The following UBE2W variants were observed in gnomAD, a reference collection of about 807,000 sequenced individuals.
The protein encoded by UBE2W is ubiquitin-conjugating enzyme E2 W.
In UBE2W, 18 loss-of-function variants were observed where a neutral mutation model predicts 27.2. The ratio of observed to expected loss-of-function variants is 0.66; its 90% confidence interval spans 0.46 to 0.98. The LOEUF (loss-of-function observed/expected upper bound fraction) is 0.98. Among genes scored for constraint, UBE2W ranks in the 50% least tolerant of loss-of-function variants. The pLI is 0.00. For synonymous variants in UBE2W, 53 were observed against 57.2 expected (o/e 0.93, Z 0.33); for missense variants, 90 against 180.2 (o/e 0.50, Z 2.87).
Position 73,794,002 on chromosome 8 carries a change from G to T in UBE2W, c.*100C>A. 1 of 1,575,552 alleles carries T rather than the reference G, an allele frequency of 6.3e-7. No individual in the cohort carries two copies. Among genetic ancestry groups the T allele is most frequent in the Non-Finnish European group, 8.6e-7 (1 of 1,162,370 alleles). ...AAGGAAGTAGTCTTCATTGCCTATA[G>T]GTCACTTCCAGTCAAAGGTTAAAGT... On this transcript the variant is annotated 3_prime_UTR_variant, in exon 6 of 6. Coordinates refer to ENST00000602593, the MANE Select transcript of UBE2W (RefSeq NM_018299.6).
At chr8:73,862,683 C>T (rs1319860992) in intron 1 of UBE2W, among the ~76,000 whole-genome samples, 1 of 133,564 alleles carries the variant, frequency 7.5e-6, no homozygotes, top group East Asian at 2.2e-4. Flanking sequence ...ACTCATCTGA[C>T]AAAGGGCTAA....
chr8:73,833,599 C>T (rs1355716542), intron 1 of UBE2W, among the ~76,000 whole-genome samples: 1 of 152,094 alleles, frequency 6.6e-6, no homozygotes, highest in Non-Finnish European at 1.5e-5. Flanking sequence ...TTATTGTACA[C>T]CTCTTCCCTT....
At chr8:73,872,520 T>C (rs528120471) in intron 1 of UBE2W, among the ~76,000 whole-genome samples, 2 of 152,340 alleles carry the variant, frequency 1.3e-5, no homozygotes, top group Non-Finnish European at 2.9e-5. Context: ...CCTAATTTCA[T>C]TCTAATAGAG....
chr8:73,833,493 A>G (rs1479307164), intron 1 of UBE2W, among the ~76,000 whole-genome samples: 2 of 152,176 alleles, frequency 1.3e-5, no homozygotes, highest in African/African-American at 4.8e-5. Flanking sequence ...ACATCAGAAT[A>G]CAACATATTA....
chr8:73,857,917 C>T (rs1012559263), intron 1 of UBE2W, among the ~76,000 whole-genome samples: 1 of 152,092 alleles, frequency 6.6e-6, no homozygotes, highest in East Asian at 1.9e-4. Context: ...TAGAATGATT[C>T]TGAGATTTTC....
chr8:73,834,461 A>C (rs1045551891), intron 1 of UBE2W, among the ~76,000 whole-genome samples: 9 of 152,220 alleles, frequency 5.9e-5, no homozygotes, highest in African/African-American at 1.9e-4. Flanking sequence ...GTCATTGTCC[A>C]AAGGCAAGAT....
At chr8:73,827,314 A>C (rs987185316) in intron 2 of UBE2W, among the ~76,000 whole-genome samples, 5 of 152,116 alleles carry the variant, frequency 3.3e-5, no homozygotes, top group Admixed American at 2.6e-4. Context: ...CCTGGGTTCA[A>C]GTGATTCTCC....
chr8:73,816,502 A>G (rs1291896351), intron 3 of UBE2W, among the ~76,000 whole-genome samples: 1 of 152,198 alleles, frequency 6.6e-6, no homozygotes, highest in Admixed American at 6.5e-5. Flanking sequence ...AGCAACAGAA[A>G]AGGGTCCGTG....
At chr8:73,876,548 A>G (rs960076441) in intron 1 of UBE2W, among the ~76,000 whole-genome samples, 63 of 152,368 alleles carry the variant, frequency 4.1e-4, no homozygotes, top group Admixed American at 1.3e-3. Context: ...ATAGAGAGTG[A>G]TAAGATTTCG....
chr8:73,830,078 CTTT>C (rs60537591), intron 2 of UBE2W, among the ~76,000 whole-genome samples: 4,742 of 152,180 alleles, frequency 0.031, 224 homozygotes, highest in African/African-American at 0.1. Context: ...CCAAACAGTT[CTTT>C]AATATTATAG....
At chr8:73,873,216 A>C (rs1046276842) in intron 1 of UBE2W, among the ~76,000 whole-genome samples, 1 of 152,082 alleles carries the variant, frequency 6.6e-6, no homozygotes, top group African/African-American at 2.4e-5. Context: ...CCTATTTTCT[A>C]ACTTTTAATT....
intron 1 of UBE2W, among the ~76,000 whole-genome samples, chr8:73,874,482 A>C (rs1406728839): frequency 6.6e-6 from 1 of 152,168 alleles, no homozygotes; most frequent in Non-Finnish European, 1.5e-5. Flanking sequence ...ACAACAACAA[A>C]AAATTCAATT....
chr8:73,828,493 C>T (rs7839623), intron 2 of UBE2W, among the ~76,000 whole-genome samples: 17,515 of 152,054 alleles, frequency 0.12, 3,238 homozygotes, highest in African/African-American at 0.39. Context: ...TTAGCAATGT[C>T]GAAATGAGTA....
At position 73,793,142 on chromosome 8, in the gene UBE2W, C is replaced by T. The variant is rs1448820993; in HGVS notation, c.*960G>A. On this transcript the variant is annotated 3_prime_UTR_variant, in exon 6 of 6. Transcript: ENST00000602593. ...ACAAGATTGCAAACAAAAATGTTTA[C>T]GGGGTTTCCAAACATAAATAAATGA... 3.9e-5 allele frequency: 38 copies of T among 985,582 alleles called. No individual in the cohort carries two copies. In the East Asian group the frequency reaches 1.0e-3, roughly 26 times the overall value. The allele number at this position is 985,582 out of a possible 1,614,324, so 61.1% of individuals were successfully genotyped here. A position where few individuals can be genotyped will look rare whatever the true frequency, so the allele number is the denominator to read the frequency against.
At chr8:73,846,007 G>A (rs1452221274) in intron 1 of UBE2W, among the ~76,000 whole-genome samples, 3 of 152,190 alleles carry the variant, frequency 2.0e-5, no homozygotes, top group African/African-American at 7.2e-5. Context: ...CCAAGGGACA[G>A]ATCTGAGATG....
chr8:73,850,505 C>T (rs187704228), intron 1 of UBE2W, among the ~76,000 whole-genome samples: 208 of 152,098 alleles, frequency 1.4e-3, no homozygotes, highest in Non-Finnish European at 2.0e-3. Context: ...ATACCACTTA[C>T]TTAGCTTTAA....
At chr8:73,842,612 C>T (rs960291161) in intron 1 of UBE2W, among the ~76,000 whole-genome samples, 1 of 146,724 alleles carries the variant, frequency 6.8e-6, no homozygotes, top group African/African-American at 2.5e-5. Context: ...CCAAAACCTA[C>T]TGAAATAAAG....
intron 5 of UBE2W, among the ~76,000 whole-genome samples, chr8:73,804,134 G>A (rs780777177): frequency 2.0e-4 from 31 of 151,686 alleles, no homozygotes; most frequent in Non-Finnish European, 4.3e-4. Context: ...TCATCTTTTC[G>A]TTCAACACCT....
chr8:73,865,603 C>T (rs571214807), intron 1 of UBE2W, among the ~76,000 whole-genome samples: 2 of 152,258 alleles, frequency 1.3e-5, no homozygotes, highest in South Asian at 2.1e-4. Context: ...GAGAGTGAAA[C>T]CTTGTCTCAA....
Sources: allele counts gnomAD v4.1 joint callset (sites outside exome capture counted in the v4.1 genomes callset), GRCh38; gene constraint gnomAD v4.1.1; transcripts MANE v1.5; gene names NCBI Gene and HGNC (gene_info 2026-07-23, HGNC 2026-07-21).